Variants in IQCF1 observed in about 807,000 individuals in gnomAD.
IQCF1 encodes the protein IQ motif containing F1.
IQCF1 carries 9 observed loss-of-function variants against 12.5 expected under a neutral mutation model. The ratio of observed to expected loss-of-function variants is 0.72; its 90% confidence interval spans 0.43 to 1.26. The LOEUF is 1.26. Among genes scored for constraint, IQCF1 ranks in the 50% most tolerant of loss-of-function variants. IQCF1 has a pLI of 0.00. For missense variants in IQCF1, 252 were observed against 257.4 expected (o/e 0.98, Z 0.14); for synonymous variants, 67 against 96.2 (o/e 0.70, Z 1.78).
chr3:51,896,686 A>G, intron 3 of IQCF1, 146 bp downstream of exon 3: 2 of 629,096 alleles, frequency 3.2e-6, no homozygotes, highest in East Asian at 2.6e-5. Context: ...CACAAGCTCA[A>G]ACACGCGCGC....
chr3:51,903,248 G>T, intron 1 of IQCF1, 22 bp downstream of exon 1: 1 of 1,613,664 alleles, frequency 6.2e-7, no homozygotes, highest in Non-Finnish European at 8.5e-7. Context: ...TAACAAGCCT[G>T]GTGTGTCTGG....
In IQCF1 at chr3:51,895,354, G is replaced by C; in HGVS notation, c.172-18C>G. ...TCTGGGGGCTTTCAAGAAAAAAAGAGGGACCTTCAGAGAATGCTCCCCACT... is the reference window on the plus strand; with the variant it reads ...TCTGGGGGCTTTCAAGAAAAAAAGACGGACCTTCAGAGAATGCTCCCCACT... On this transcript the variant is annotated intron_variant, in intron 3 of 3. Coordinates refer to ENST00000310914, the MANE Select transcript of IQCF1 (RefSeq NM_152397.3). The surrounding 1 kb of genome is among the most constrained non-coding windows in gnomAD (Gnocchi z 4.8). 1.3e-6 allele frequency: 2 copies of C among 1,594,482 alleles called. No homozygotes were observed. Among genetic ancestry groups the C allele is most frequent in the Non-Finnish European group, 1.7e-6 (2 of 1,168,642 alleles).
At chr3:51,898,306 C>T (rs935093815) in intron 2 of IQCF1, among the ~76,000 whole-genome samples, 1 of 152,068 alleles carries the variant, frequency 6.6e-6, no homozygotes, top group Non-Finnish European at 1.5e-5. Flanking sequence ...AATAGTGTAT[C>T]CTCTTCCTTT....
At chr3:51,896,733 T>A in intron 3 of IQCF1, 99 bp downstream of exon 3, 3 of 885,928 alleles carry the variant, frequency 3.4e-6, no homozygotes, top group Non-Finnish European at 5.7e-6. Flanking sequence ...ACACACATAC[T>A]TCTAACTGAG....
intron 1 of IQCF1, 48 bp downstream of exon 1, chr3:51,903,222 T>C: frequency 6.2e-6 from 10 of 1,610,800 alleles, no homozygotes; most frequent in Non-Finnish European, 8.5e-6. Context: ...CCCTGAGAGA[T>C]CTATGGGGAC....
intron 2 of IQCF1, among the ~76,000 whole-genome samples, chr3:51,902,508 T>G (rs535219042): frequency 6.6e-6 from 1 of 152,310 alleles, no homozygotes; most frequent in South Asian, 2.1e-4. Flanking sequence ...TGACTCATTC[T>G]GATTACCTAC....
Position 51,895,242 on chromosome 3 carries a change from A to G in IQCF1, c.266T>C (p.Leu89Ser). The change falls in exon 4 of 4, where the codon TTG becomes TCG. Residue 89 changes from leucine to serine, a missense_variant. Leu to Ser is a moderately radical substitution (Grantham distance 145). Transcript: ENST00000310914. The surrounding 1 kb of genome is among the most constrained non-coding windows in gnomAD (Gnocchi z 4.8). ...GATGCAGGCACTGAGGGCTGCGTGC[A>G]ACAGTGCCCGACGCACCAGGGTGCC... ...WRGTLVRRAL[L>S]HAALSACIIQ... 6.2e-7 allele frequency: 1 copy of G among 1,614,152 alleles called. No homozygotes were observed. The highest frequency in any genetic ancestry group is 8.5e-7 in the Non-Finnish European group (1 of 1,179,998).
chr3:51,896,724 C>T, intron 3 of IQCF1, 108 bp downstream of exon 3: 3 of 840,930 alleles, frequency 3.6e-6, no homozygotes, highest in South Asian at 1.4e-5. Context: ...CACACACACA[C>T]ACACATACTT....
At chr3:51,897,892 A>G (rs1201930983) in intron 2 of IQCF1, among the ~76,000 whole-genome samples, 1 of 152,216 alleles carries the variant, frequency 6.6e-6, no homozygotes, top group Non-Finnish European at 1.5e-5. Flanking sequence ...CAGCACGCCA[A>G]CACTAAGGCA....
intron 2 of IQCF1, among the ~76,000 whole-genome samples, chr3:51,898,432 C>G (rs1400945643): frequency 6.6e-6 from 1 of 152,264 alleles, no homozygotes; most frequent in East Asian, 1.9e-4. Context: ...CCCGAAAGCA[C>G]TGAGGCCACT....
At chr3:51,902,585 C>T (rs1699089009) in intron 2 of IQCF1, among the ~76,000 whole-genome samples, 2 of 152,200 alleles carry the variant, frequency 1.3e-5, no homozygotes, top group Non-Finnish European at 2.9e-5. Flanking sequence ...TCAGTCTCCA[C>T]CCTGACTCAT....
In IQCF1 at chr3:51,894,907, A is replaced by T. The variant is rs755209979; in HGVS notation, c.601T>A (p.Phe201Ile). 40 of 1,613,616 alleles carry T rather than the reference A, an allele frequency of 2.5e-5. No individual in the cohort carries two copies. The highest frequency in any genetic ancestry group is 2.9e-5 in the Non-Finnish European group (34 of 1,179,736). Residue 201 changes from phenylalanine (F) to isoleucine (I), a missense_variant, in exon 4 of 4, where the codon TTC becomes ATC. Coordinates refer to ENST00000310914, the MANE Select transcript of IQCF1 (RefSeq NM_152397.3). ...GPCIVTECIPFSIKE is the reference protein window; with the variant it reads ...GPCIVTECIPISIKE ...AGACCACTTCATTCCTTTATTGAGA[A>T]GGGAATACACTCTGTCACAATGCAA... is the stretch of plus-strand genomic sequence containing the variant.
At chr3:51,901,692 T>C (rs1442612618) in intron 2 of IQCF1, among the ~76,000 whole-genome samples, 1 of 152,252 alleles carries the variant, frequency 6.6e-6, no homozygotes, top group Non-Finnish European at 1.5e-5. Context: ...AATTGGAGTC[T>C]AGCAGGGAAT....
At chr3:51,896,938 TTA>T (rs773620671) in intron 2 of IQCF1, 44 bp from the exon 3 acceptor site, 1 of 1,464,622 alleles carries the variant, frequency 6.8e-7, no homozygotes, top group South Asian at 1.1e-5. Context: ...ATTGAGTTGT[TTA>T]TTTCTCTTCT....
rs761875418 is a variant in IQCF1, at chr3:51,898,796, C to G, written c.109-1902G>C. Among the ~76,000 whole-genome samples, 6 of 152,156 alleles carry G rather than the reference C, an allele frequency of 3.9e-5. No individual in the cohort carries two copies. In the South Asian group the frequency reaches 6.2e-4, roughly 16 times the overall value. On this transcript the variant is annotated intron_variant, in intron 2 of 3. Transcript: ENST00000310914. ...TCCAACCAGACCTACGAGGAGCTCC[C>G]TTCAGGACAGGATGATAGATGGTTC...
Position 51,903,041 on chromosome 3 carries a change from G to T in IQCF1, c.52C>A (p.Pro18Thr), listed in dbSNP as rs776231126. 1.9e-6 allele frequency: 3 copies of T among 1,614,108 alleles called. No individual in the cohort carries two copies. In the South Asian group the frequency reaches 3.3e-5, roughly 18 times the overall value. ...TGGGTTGGCATCTCCTTCTGCTGAG[G>T]CTCATCTTCTTTTGAGGGTTCCTTC... ...KTKEPSKEDE[P>T]QQKEMPTHLS... Residue 18 changes from proline to threonine, a missense_variant, in exon 2 of 4, where the codon CCT becomes ACT. Coordinates refer to ENST00000310914, the MANE Select transcript of IQCF1 (RefSeq NM_152397.3).
intron 2 of IQCF1, among the ~76,000 whole-genome samples, chr3:51,897,942 G>C (rs571223401): frequency 9.8e-5 from 15 of 152,304 alleles, no homozygotes; most frequent in African/African-American, 3.6e-4. Context: ...TTCCGGGGCA[G>C]GCAAGGCGAG....
In IQCF1 at chr3:51,895,055, A is replaced by G; in HGVS notation, c.453T>C (p.Val151=). 1 of 1,614,238 alleles carries G rather than the reference A, an allele frequency of 6.2e-7. No homozygotes were observed. The highest frequency in any genetic ancestry group is 8.5e-7 in the Non-Finnish European group (1 of 1,180,044). ...RRRYCQVLNA[V]RIIQAYWRCR... ...ACCTCCAGTAAGCCTGGATGATGCG[A>G]ACAGCATTGAGCACCTGGCAATAGC... Residue 151 remains valine, a synonymous_variant, in exon 4 of 4, where the codon GTT becomes GTC. Coordinates refer to ENST00000310914, the MANE Select transcript of IQCF1 (RefSeq NM_152397.3). The surrounding 1 kb of genome is among the most constrained non-coding windows in gnomAD (Gnocchi z 4.8).
Position 51,895,142 on chromosome 3 carries a change from G to A in IQCF1, c.366C>T (p.Ser122=). ...KRRQAALEAF[S]RKEWAAVTLQ... ...GTGTGACTGCTGCCCACTCCTTCCG[G>A]GAGAAGGCCTCTAGCGCTGCCTGCC... The change falls in exon 4 of 4, where the codon TCC becomes TCT. Residue 122 remains serine (S), a synonymous_variant. Coordinates refer to ENST00000310914, the MANE Select transcript of IQCF1 (RefSeq NM_152397.3). The surrounding 1 kb of genome is among the most constrained non-coding windows in gnomAD (Gnocchi z 4.8). 6.2e-7 allele frequency: 1 copy of A among 1,614,230 alleles called. No homozygotes were observed. The highest frequency in any genetic ancestry group is 1.1e-5 in the South Asian group (1 of 91,080).
Sources: gnomAD v4.1 joint callset for allele counts (sites outside exome capture counted in the v4.1 genomes callset) on GRCh38, gnomAD v4.1.1 for gene constraint, Gnocchi (gnomAD v3.1) non-coding constraint, MANE v1.5 for transcripts, NCBI Gene and HGNC (gene_info 2026-07-23, HGNC 2026-07-21) for gene names.